Variants in BRINP1 observed in about 807,000 individuals in gnomAD.
The protein encoded by BRINP1 is BMP/retinoic acid inducible neural specific 1.
A neutral mutation model predicts 72.9 loss-of-function variants in BRINP1; 17 were observed. The ratio of observed to expected loss-of-function variants is 0.23; its 90% CI spans 0.16 to 0.35. The LOEUF is 0.35. BRINP1 is among the 10% of genes least tolerant of loss of function. BRINP1 has a pLI of 1.00. For missense variants in BRINP1, 850 were observed against 1,001.6 expected (o/e 0.85, Z 2.04); for synonymous variants, 418 against 378.5 (o/e 1.10, Z -1.21).
intron 6 of BRINP1, among the ~76,000 whole-genome samples, chr9:119,212,540 A>G (rs1393797651): frequency 6.6e-6 from 1 of 152,230 alleles, no homozygotes; most frequent in Admixed American, 6.5e-5. Flanking sequence ...TAACTGTGCA[A>G]CCCTAGGGAA....
intron 7 of BRINP1, among the ~76,000 whole-genome samples, chr9:119,168,679 T>A (rs1431822616): frequency 8.5e-6 from 1 of 117,918 alleles, no homozygotes; most frequent in Non-Finnish European, 2.0e-5. Context: ...CCATTACAGA[T>A]TCCTCCCATG....
rs1483139389 is a variant in BRINP1, at chr9:119,280,936, CAGAT to C, written c.219-31790_219-31787del. Among the ~76,000 whole-genome samples, 4 of 152,240 alleles carry C rather than the reference CAGAT, an allele frequency of 2.6e-5. No homozygotes were observed. In the East Asian group the frequency reaches 7.7e-4, roughly 29 times the overall value. On this transcript the variant is annotated intron_variant, in intron 2 of 7. Transcript: ENST00000265922. ...CCTTGAAGACTGCTTAGGACTTTGACAGATGGAGGAAATGTGGGTAAAGCCACAG... is the reference window on the plus strand; with the variant it reads ...CCTTGAAGACTGCTTAGGACTTTGACGGAGGAAATGTGGGTAAAGCCACAG...
chr9:119,176,485 A>AAAAGT (rs1829490978), intron 7 of BRINP1, among the ~76,000 whole-genome samples: 1 of 152,202 alleles, frequency 6.6e-6, no homozygotes, highest in Non-Finnish European at 1.5e-5. Context: ...CCTAATGTTG[A>AAAAGT]AAAGTATGGT....
At chr9:119,295,169 T>A (rs930656396) in intron 2 of BRINP1, among the ~76,000 whole-genome samples, 15 of 151,256 alleles carry the variant, frequency 9.9e-5, no homozygotes, top group Non-Finnish European at 1.6e-4. Context: ...AATTTTTTTT[T>A]AATTATTTAT....
At chr9:119,279,691 A>G (rs146908679) in intron 2 of BRINP1, among the ~76,000 whole-genome samples, 2 of 152,370 alleles carry the variant, frequency 1.3e-5, no homozygotes, top group Non-Finnish European at 2.9e-5. Flanking sequence ...ATGAAAATAA[A>G]TCATAATTAG....
intron 2 of BRINP1, among the ~76,000 whole-genome samples, chr9:119,297,478 C>T (rs1830892829): frequency 1.3e-5 from 2 of 152,232 alleles, no homozygotes; most frequent in Non-Finnish European, 2.9e-5. Flanking sequence ...CTTTTCTGAG[C>T]CTCAATTTCC....
At chr9:119,366,503 CGTGTGTGTGT>C (rs3983901) in intron 1 of BRINP1, among the ~76,000 whole-genome samples, 51,169 of 136,106 alleles carry the variant, frequency 0.38, 11,850 homozygotes, top group East Asian at 0.57. Flanking sequence ...CCCCCACCAC[CGTGTGTGTGT>C]GTGTGTGTGT....
intron 1 of BRINP1, among the ~76,000 whole-genome samples, chr9:119,356,582 C>T (rs1421363184): frequency 2.6e-5 from 4 of 152,072 alleles, no homozygotes; most frequent in African/African-American, 9.7e-5. Flanking sequence ...ATGGGTGGAT[C>T]ACCTGAGGTC....
At chr9:119,200,078 A>T (rs914603232) in intron 7 of BRINP1, among the ~76,000 whole-genome samples, 8 of 152,194 alleles carry the variant, frequency 5.3e-5, no homozygotes, top group African/African-American at 1.9e-4. Flanking sequence ...CATATGTAGA[A>T]AGTACATACA....
At chr9:119,342,977 T>C (rs1316302896) in intron 1 of BRINP1, among the ~76,000 whole-genome samples, 1 of 152,204 alleles carries the variant, frequency 6.6e-6, no homozygotes, top group Non-Finnish European at 1.5e-5. Flanking sequence ...GTTTATAGAT[T>C]TATAAAATAG....
At chr9:119,258,080 A>G (rs2118930819) in intron 2 of BRINP1, among the ~76,000 whole-genome samples, 1 of 152,338 alleles carries the variant, frequency 6.6e-6, no homozygotes, top group South Asian at 2.1e-4. Context: ...TTAACTTTAG[A>G]GAATAAAGTA....
intron 7 of BRINP1, among the ~76,000 whole-genome samples, chr9:119,187,940 A>G (rs1238355871): frequency 6.6e-6 from 1 of 152,234 alleles, no homozygotes; most frequent in Non-Finnish European, 1.5e-5. Context: ...AAGAGCTTCA[A>G]TAGCTGCCTA....
At chr9:119,255,978 A>C (rs901332780) in intron 2 of BRINP1, among the ~76,000 whole-genome samples, 73 of 149,796 alleles carry the variant, frequency 4.9e-4, no homozygotes, top group African/African-American at 1.7e-3. Context: ...AAAAAAAAAA[A>C]AAAAACACGA....
At chr9:119,273,342 G>T (rs969919490) in intron 2 of BRINP1, among the ~76,000 whole-genome samples, 2 of 152,200 alleles carry the variant, frequency 1.3e-5, no homozygotes, top group African/African-American at 2.4e-5. Context: ...TGGAGAGCAA[G>T]TGAGTGTGAA....
chr9:119,268,267 G>GAT (rs149767417), intron 2 of BRINP1, among the ~76,000 whole-genome samples: 1 of 143,924 alleles, frequency 6.9e-6, no homozygotes, highest in Non-Finnish European at 1.5e-5. Context: ...TAGATAGATA[G>GAT]ATAGATAGAT....
chr9:119,310,256 A>AGG (rs2118991977), intron 2 of BRINP1, among the ~76,000 whole-genome samples: 1 of 152,330 alleles, frequency 6.6e-6, no homozygotes, highest in South Asian at 2.1e-4. Flanking sequence ...CTCCGAGGTC[A>AGG]AAAGTTCTCC....
At chr9:119,170,983 G>A (rs1259810807) in intron 7 of BRINP1, among the ~76,000 whole-genome samples, 58 of 141,988 alleles carry the variant, frequency 4.1e-4, no homozygotes, top group East Asian at 6.0e-4. Flanking sequence ...TGAAGGAAGC[G>A]CTAAACATGG....
At chr9:119,285,307 G>T (rs1442161140) in intron 2 of BRINP1, among the ~76,000 whole-genome samples, 3 of 152,122 alleles carry the variant, frequency 2.0e-5, no homozygotes, top group Admixed American at 6.5e-5. Flanking sequence ...GTGCAGAATG[G>T]ATCTGCACAT....
chr9:119,355,292 T>C (rs531721047), intron 1 of BRINP1, among the ~76,000 whole-genome samples: 1 of 152,134 alleles, frequency 6.6e-6, no homozygotes, highest in South Asian at 2.1e-4. Flanking sequence ...TTCACAAAAA[T>C]TTGATGTTGA....
Sources: gnomAD v4.1 joint callset for allele counts (sites outside exome capture counted in the v4.1 genomes callset) on GRCh38, gnomAD v4.1.1 for gene constraint, MANE v1.5 for transcripts, NCBI Gene and HGNC (gene_info 2026-07-23, HGNC 2026-07-21) for gene names.